The following CCDC3 variants were observed in gnomAD, a reference collection of about 807,000 sequenced individuals.
CCDC3 encodes coiled-coil domain-containing protein 3.
CCDC3 carries 24 observed loss-of-function variants against 21.4 expected under a neutral mutation model. The ratio of observed to expected loss-of-function variants is 1.12; its 90% CI spans 0.81 to 1.58. The LOEUF (loss-of-function observed/expected upper bound fraction) is 1.58. CCDC3 is among the 40% of genes most tolerant of loss of function. CCDC3 has a pLI of 0.00. For synonymous variants in CCDC3, 186 were observed against 166.0 expected (o/e 1.12, Z -0.93); for missense variants, 425 against 360.9 (o/e 1.18, Z -1.44).
At chr10:12,950,375 C>A (rs2131247503) in intron 2 of CCDC3, among the ~76,000 whole-genome samples, 1 of 152,246 alleles carries the variant, frequency 6.6e-6, no homozygotes, top group East Asian at 1.9e-4. Flanking sequence ...GAGATTCAAC[C>A]TAAATGGTCA....
chr10:13,073,517 T>G (rs891837284), intron 4 of CCDC3, among the ~76,000 whole-genome samples: 1 of 138,450 alleles, frequency 7.2e-6, no homozygotes, highest in Non-Finnish European at 1.6e-5. Flanking sequence ...GACTTTTTTT[T>G]TTGAGACAGG....
chr10:13,021,556 C>G (rs1836145769), intron 5 of CCDC3, among the ~76,000 whole-genome samples: 1 of 152,170 alleles, frequency 6.6e-6, no homozygotes, highest in Admixed American at 6.5e-5. Flanking sequence ...GTTCAGGTCT[C>G]TTTTCTCCTT....
At chr10:13,094,419 G>T (rs1832609481) in intron 3 of CCDC3, among the ~76,000 whole-genome samples, 1 of 152,020 alleles carries the variant, frequency 6.6e-6, no homozygotes, top group Non-Finnish European at 1.5e-5. Context: ...ACCATGCCCA[G>T]CTAATTTTTG....
intron 1 of CCDC3, among the ~76,000 whole-genome samples, chr10:13,000,228 G>A (rs1300228485): frequency 6.6e-6 from 1 of 152,182 alleles, no homozygotes; most frequent in East Asian, 1.9e-4. Flanking sequence ...AGATAGGTTA[G>A]ATTCCATTTT....
intron 2 of CCDC3, among the ~76,000 whole-genome samples, chr10:12,944,335 C>T (rs1834881316): frequency 6.6e-6 from 1 of 152,150 alleles, no homozygotes; most frequent in African/African-American, 2.4e-5. Context: ...ACCTTGGCTT[C>T]CACAACCCCC....
At chr10:12,977,258 G>C (rs771961899) in intron 2 of CCDC3, among the ~76,000 whole-genome samples, 4 of 150,064 alleles carry the variant, frequency 2.7e-5, no homozygotes, top group African/African-American at 1.0e-4. Flanking sequence ...CTGGGCAACA[G>C]AGCGAGACCT....
At chr10:13,040,269 A>C (rs928545569) in intron 5 of CCDC3, among the ~76,000 whole-genome samples, 4 of 152,142 alleles carry the variant, frequency 2.6e-5, no homozygotes, top group Non-Finnish European at 5.9e-5. Flanking sequence ...ATTTGCAATT[A>C]AATTCCACGA....
At chr10:13,019,675 A>G (rs1256559284) in intron 5 of CCDC3, among the ~76,000 whole-genome samples, 1 of 152,228 alleles carries the variant, frequency 6.6e-6, no homozygotes, top group Non-Finnish European at 1.5e-5. Flanking sequence ...ACGTTTAAAA[A>G]TATGTTTTTC....
chr10:12,964,598 C>T (rs1589023803), intron 2 of CCDC3, among the ~76,000 whole-genome samples: 1 of 152,168 alleles, frequency 6.6e-6, no homozygotes, highest in South Asian at 2.1e-4. Context: ...CTGATTAACC[C>T]GTGCCTGGAG....
intron 2 of CCDC3, among the ~76,000 whole-genome samples, chr10:12,969,321 T>C (rs559598180): frequency 1.2e-4 from 19 of 152,180 alleles, no homozygotes; most frequent in African/African-American, 3.6e-4. Context: ...GATGAGGATG[T>C]GGAGAAAAGA....
At chr10:12,932,940 C>T (rs1834672266) in intron 2 of CCDC3, among the ~76,000 whole-genome samples, 1 of 152,154 alleles carries the variant, frequency 6.6e-6, no homozygotes, top group Non-Finnish European at 1.5e-5. Context: ...TCTTCTCTAG[C>T]TTGTCATGAT....
At chr10:12,994,468 C>T (rs1017567653) in intron 2 of CCDC3, among the ~76,000 whole-genome samples, 54 of 151,338 alleles carry the variant, frequency 3.6e-4, no homozygotes, top group African/African-American at 1.3e-3. Context: ...TCCAGGAGCA[C>T]ATGGGATGCC....
intron 2 of CCDC3, among the ~76,000 whole-genome samples, chr10:12,962,728 A>G (rs1399373171): frequency 6.6e-6 from 1 of 152,230 alleles, no homozygotes; most frequent in Non-Finnish European, 1.5e-5. Flanking sequence ...GTGGTATAAA[A>G]TGACATCAAA....
chr10:12,952,710 C>A (rs765375717), intron 2 of CCDC3, among the ~76,000 whole-genome samples: 5 of 152,118 alleles, frequency 3.3e-5, no homozygotes, highest in African/African-American at 4.8e-5. Context: ...GCCTGAGATT[C>A]CAGTCATTTT....
chr10:13,086,388 T>C (rs1024631258), intron 3 of CCDC3, among the ~76,000 whole-genome samples: 6 of 152,354 alleles, frequency 3.9e-5, no homozygotes, highest in African/African-American at 1.2e-4. Flanking sequence ...CATCAATATT[T>C]AAGATTTAAG....
intron 2 of CCDC3, among the ~76,000 whole-genome samples, chr10:12,971,092 T>TA (rs1383179599): frequency 1.3e-5 from 2 of 152,276 alleles, no homozygotes; most frequent in East Asian, 1.9e-4. Context: ...AAAAGCCTTA[T>TA]ACCGTTAATG....
intron 5 of CCDC3, among the ~76,000 whole-genome samples, chr10:13,013,910 G>T (rs560690215): frequency 1.3e-5 from 2 of 152,290 alleles, no homozygotes; most frequent in East Asian, 3.9e-4. Context: ...CAGCGCTTTG[G>T]GAGGCCGAGG....
chr10:13,057,318 A>G lies in CCDC3; in HGVS notation c.-269-7377T>C, dbSNP rs371985034. 1.6e-4 allele frequency among the ~76,000 whole-genome samples: 25 copies of G among 152,110 alleles called. No individual in the cohort carries two copies. In the East Asian group the frequency reaches 4.6e-3, roughly 28 times the overall value. ...AAAAAAACAATAAAAATTTTAAAAT[A>G]ATGAGGGGACAAGAAGACTTTTCAT... is the stretch of plus-strand genomic sequence containing the variant. On this transcript the variant is annotated intron_variant, in intron 4 of 6. Coordinates refer to the CCDC3 transcript ENST00000378839.
chr10:12,898,223 C>T lies in CCDC3; in HGVS notation c.*193G>A, dbSNP rs140118196. ...CTGGGGTCAGGCCAGGAAGGGGCAG[C>T]GCGTGGGGTCTGACATTGAGGCCAG... On this transcript the variant is annotated 3_prime_UTR_variant, in exon 3 of 3. Coordinates refer to ENST00000378825, the MANE Select transcript of CCDC3 (RefSeq NM_031455.4). 2.3e-3 allele frequency: 1,523 copies of T among 665,542 alleles called. 5 individuals are homozygous for T. The highest frequency in any genetic ancestry group is 2.3e-3 in the Non-Finnish European group (931 of 400,282). 41.2% of individuals were successfully genotyped at this position (665,542 alleles called of 1,614,324 possible).
Sources: allele counts gnomAD v4.1 joint callset (sites outside exome capture counted in the v4.1 genomes callset), GRCh38; gene constraint gnomAD v4.1.1; transcripts MANE v1.5; gene names NCBI Gene and HGNC (gene_info 2026-07-23, HGNC 2026-07-21).